The following C12orf42 variants were observed in gnomAD, a reference collection of about 807,000 sequenced individuals.
C12orf42 encodes the protein uncharacterized protein C12orf42.
In C12orf42, 25 loss-of-function variants were observed where a neutral mutation model predicts 21.6. That is an observed-to-expected ratio of 1.16 (90% CI 0.84 to 1.62). The LOEUF is 1.62. Among genes scored for constraint, C12orf42 ranks in the 40% most tolerant of loss-of-function variants. C12orf42 has a pLI of 0.00. For synonymous variants in C12orf42, 174 were observed against 175.0 expected, an observed-to-expected ratio of 0.99 and a Z score of 0.05; for missense variants, 483 against 459.3, an observed-to-expected ratio of 1.05 and a Z score of -0.47.
At chr12:103,193,933 C>T in the C12orf42 span, among the ~76,000 whole-genome samples, 2 of 152,056 alleles carry the variant, frequency 1.3e-5, no homozygotes, top group African/African-American at 2.4e-5. Flanking sequence ...CTCAACAAAA[C>T]ATTTGCTAAC....
the C12orf42 span, among the ~76,000 whole-genome samples, chr12:103,229,655 T>C: frequency 6.6e-6 from 1 of 152,220 alleles, no homozygotes; most frequent in Non-Finnish European, 1.5e-5. Context: ...TCCACATTTT[T>C]ATTTTCCATC....
At chr12:103,424,127 GC>G (rs1264420460) in intron 2 of C12orf42, among the ~76,000 whole-genome samples, 1 of 152,248 alleles carries the variant, frequency 6.6e-6, no homozygotes, top group Admixed American at 6.5e-5. Flanking sequence ...CAGAAGTGAA[GC>G]CTTTGAGCGC....
the C12orf42 span, among the ~76,000 whole-genome samples, chr12:103,088,014 CA>C: frequency 6.6e-6 from 1 of 152,194 alleles, no homozygotes; most frequent in Non-Finnish European, 1.5e-5. Flanking sequence ...TTCTGGCCTG[CA>C]CTGATTAGGT....
chr12:103,080,327 T>G, the C12orf42 span, among the ~76,000 whole-genome samples: 1 of 152,220 alleles, frequency 6.6e-6, no homozygotes, highest in African/African-American at 2.4e-5. Context: ...CATGCTTGTA[T>G]GTTTTCATAA....
At chr12:103,511,375 T>A in the C12orf42 span, among the ~76,000 whole-genome samples, 1 of 149,958 alleles carries the variant, frequency 6.7e-6, no homozygotes, top group Non-Finnish European at 1.5e-5. Flanking sequence ...TTATATAGTA[T>A]ACATTTATAT....
intron 2 of C12orf42, among the ~76,000 whole-genome samples, chr12:103,450,098 T>TAGGTTTA (rs1415435018): frequency 4.6e-5 from 7 of 152,196 alleles, no homozygotes; most frequent in African/African-American, 1.4e-4. Context: ...TTAGATTAAA[T>TAGGTTTA]ATATTAGGTT....
chr12:103,376,869 CCT>C (rs2045744593), intron 3 of C12orf42, among the ~76,000 whole-genome samples: 1 of 151,834 alleles, frequency 6.6e-6, no homozygotes, highest in South Asian at 2.1e-4. Context: ...AATTTTCTCC[CCT>C]CTGTGTTCTC....
intron 2 of C12orf42, among the ~76,000 whole-genome samples, chr12:103,442,134 G>T (rs193000420): frequency 6.6e-4 from 101 of 152,060 alleles, no homozygotes; most frequent in African/African-American, 2.2e-3. Flanking sequence ...GCAGAGAAAG[G>T]CTCCATCTCA....
chr12:103,294,445 A>AGAAT (rs2037044977), intron 4 of C12orf42, among the ~76,000 whole-genome samples: 1 of 127,386 alleles, frequency 7.9e-6, no homozygotes, highest in Admixed American at 7.4e-5. Flanking sequence ...AAAGAAAGAA[A>AGAAT]GAAAGAAAGA....
chr12:103,128,912 T>C, the C12orf42 span, among the ~76,000 whole-genome samples: 1 of 152,202 alleles, frequency 6.6e-6, no homozygotes, highest in Non-Finnish European at 1.5e-5. Context: ...GGAAGAAATA[T>C]TATCTTCTTT....
At chr12:103,132,832 C>T in the C12orf42 span, among the ~76,000 whole-genome samples, 1 of 152,188 alleles carries the variant, frequency 6.6e-6, no homozygotes, top group Non-Finnish European at 1.5e-5. Flanking sequence ...AAATGAAGTA[C>T]ACATTCCCCG....
chr12:103,098,769 A>C, the C12orf42 span, among the ~76,000 whole-genome samples: 1 of 152,252 alleles, frequency 6.6e-6, no homozygotes, highest in Non-Finnish European at 1.5e-5. Context: ...AAAGTATTTC[A>C]GAATCTTTTA....
chr12:103,256,616 T>G (rs926535560), intron 10 of C12orf42, among the ~76,000 whole-genome samples: 1 of 152,048 alleles, frequency 6.6e-6, no homozygotes, highest in African/African-American at 2.4e-5. Context: ...TAATACCAAG[T>G]GAGTTGAAAG....
chr12:103,478,498 T>A (rs1215345842), intron 1 of C12orf42, 51 bp from the exon 2 acceptor site: 4 of 849,178 alleles, frequency 4.7e-6, no homozygotes, highest in Non-Finnish European at 7.0e-6. Flanking sequence ...GATGCAATGA[T>A]AATATTAGAG....
intron 2 of C12orf42, among the ~76,000 whole-genome samples, chr12:103,441,777 T>C (rs1951264004): frequency 6.6e-6 from 1 of 152,194 alleles, no homozygotes. Context: ...AAACTTCTCT[T>C]GAGAAAAGGG....
chr12:103,201,595 A>C, the C12orf42 span, among the ~76,000 whole-genome samples: 1 of 152,158 alleles, frequency 6.6e-6, no homozygotes, highest in African/African-American at 2.4e-5. Context: ...ATGACCATAG[A>C]ATGGTCAAGG....
chr12:103,452,913 T>A (rs1224386384), intron 2 of C12orf42, among the ~76,000 whole-genome samples: 1 of 151,790 alleles, frequency 6.6e-6, no homozygotes, highest in East Asian at 1.9e-4. Flanking sequence ...CATTAGGAGA[T>A]ATACCTAATG....
intron 4 of C12orf42, among the ~76,000 whole-genome samples, chr12:103,291,741 T>C (rs968158126): frequency 6.6e-6 from 1 of 152,148 alleles, no homozygotes; most frequent in Non-Finnish European, 1.5e-5. Context: ...TTTACCATTT[T>C]ACCATATTGT....
At chr12:103,527,035 G>T in the C12orf42 span, among the ~76,000 whole-genome samples, 94 of 152,172 alleles carry the variant, frequency 6.2e-4, no homozygotes, top group Middle Eastern at 3.4e-3. Flanking sequence ...TTCTTACTCA[G>T]AGAACCCAAT....
Sources: allele counts gnomAD v4.1 joint callset (sites outside exome capture counted in the v4.1 genomes callset), GRCh38; gene constraint gnomAD v4.1.1; transcripts MANE v1.5; gene names NCBI Gene and HGNC (gene_info 2026-07-23, HGNC 2026-07-21).